Variants in BRPF1 observed in about 807,000 individuals in gnomAD.
BRPF1 encodes the protein peregrin.
A neutral mutation model predicts 115.0 loss-of-function variants in BRPF1; 15 were observed. The ratio of observed to expected loss-of-function variants is 0.13; its 90% CI spans 0.09 to 0.20. The LOEUF is 0.20. Ranked by LOEUF, BRPF1 falls within the 10% of genes least tolerant of loss-of-function variation. BRPF1 has a pLI of 1.00. For synonymous variants in BRPF1, 647 were observed against 619.8 expected (o/e 1.04, Z -0.65); for missense variants, 1,118 against 1,638.3 (o/e 0.68, Z 5.48).
At position 9,734,869 on chromosome 3, in the gene BRPF1, G is replaced by A; in HGVS notation, c.599+130G>A. 8.7e-7 allele frequency: 1 copy of A among 1,151,754 alleles called. No individual in the cohort carries two copies. The highest frequency in any genetic ancestry group is 1.2e-6 in the Non-Finnish European group (1 of 815,822). The allele number at this position is 1,151,754 out of a possible 1,614,324, so 71.3% of individuals were successfully genotyped here. A position where few individuals can be genotyped will look rare whatever the true frequency, so the allele number is the denominator to read the frequency against. ...AGTGAAAGAACACTGATTTTGCCAG[G>A]GCAGTGAGTGGAATGGTACGCCACT... On this transcript the variant is annotated intron_variant, in intron 2 of 13. Transcript: ENST00000383829. This position sits in a 1 kb window ranked among gnomAD's most constrained non-coding sequence, Gnocchi z 5.7.
In BRPF1 at chr3:9,745,871, C is replaced by G. The variant is rs778066197; in HGVS notation, c.3265C>G (p.Leu1089Val). The G allele has an allele frequency of 2.2e-5, 36 of 1,614,052 alleles. No individual in the cohort carries two copies. Among genetic ancestry groups the G allele is most frequent in the Non-Finnish European group, 2.9e-5 (34 of 1,180,040 alleles). ...GCTGTCAGAGGATGAGGACTCCCCG[C>G]TGGATGCTCTGGACCTCGTGTGGGC... ...GWLSEDEDSPLDALDLVWAKC... is the reference protein window; with the variant it reads ...GWLSEDEDSPVDALDLVWAKC... Residue 1089 changes from leucine to valine, a missense_variant, in exon 12 of 14, where the codon CTG becomes GTG. Coordinates refer to ENST00000383829, the MANE Select transcript of BRPF1 (RefSeq NM_001003694.2). The surrounding 1 kb of genome is among the most constrained non-coding windows in gnomAD (Gnocchi z 5.1).
chr3:9,740,056 T>C, intron 3 of BRPF1, 98 bp downstream of exon 3: 2 of 1,443,258 alleles, frequency 1.4e-6, no homozygotes, highest in South Asian at 1.5e-5. Flanking sequence ...CTGGGCTATC[T>C]TCCCAGGAGC....
intron 13 of BRPF1, 147 bp downstream of exon 13, chr3:9,746,601 A>C: frequency 9.9e-7 from 1 of 1,008,206 alleles, no homozygotes; most frequent in Non-Finnish European, 1.3e-6. Context: ...TTTTGAGCGA[A>C]AGGGTTGTGT....
intron 5 of BRPF1, 134 bp from the exon 6 acceptor site, chr3:9,741,891 A>AG: frequency 2.0e-6 from 2 of 987,698 alleles, no homozygotes; most frequent in South Asian, 3.4e-5. Flanking sequence ...CATAGAAGGT[A>AG]GACCTGTATG....
At position 9,747,390 on chromosome 3, in the gene BRPF1, C is replaced by T. The variant is rs768112702; in HGVS notation, c.*41C>T. On this transcript the variant is annotated 3_prime_UTR_variant, in exon 14 of 14. Transcript: ENST00000383829. The surrounding 1 kb of genome is among the most constrained non-coding windows in gnomAD (Gnocchi z 5.6). Reference sequence around the variant, plus strand: ...CCCAACCTATAGTGCCCTGTGACTTCTCTCCTCCCCTTTGCTCACTGTCCT... The same window carrying T: ...CCCAACCTATAGTGCCCTGTGACTTTTCTCCTCCCCTTTGCTCACTGTCCT... 1.5e-5 allele frequency: 24 copies of T among 1,596,254 alleles called. No homozygotes were observed. The African/African-American group carries it at 2.8e-4, about 19-fold the overall frequency.
intron 1 of BRPF1, among the ~76,000 whole-genome samples, chr3:9,733,802 A>C (rs2076895091): frequency 6.6e-6 from 1 of 152,218 alleles, no homozygotes; most frequent in African/African-American, 2.4e-5. Context: ...AGAATTTGGA[A>C]TATTATCTTG....
chr3:9,738,953 G>A (rs78493343), intron 2 of BRPF1, 46 bp from the exon 3 acceptor site: 4 of 1,514,746 alleles, frequency 2.6e-6, no homozygotes, highest in Non-Finnish European at 3.5e-6. Context: ...CTTTAAGGGA[G>A]GGAAATCTCA....
rs779936383 is a variant in BRPF1 at position 9,734,204 on chromosome 3, G to A, written c.64G>A (p.Glu22Lys). Residue 22 changes from glutamate to lysine, a missense_variant, in exon 2 of 14, where the codon GAG becomes AAG. Glu to Lys is a moderately conservative substitution (Grantham distance 56, BLOSUM62 1). This residue lies in a region of BRPF1 where 280 missense variants were observed against 382.8 expected (regional missense o/e 0.73). Coordinates refer to ENST00000383829, the MANE Select transcript of BRPF1 (RefSeq NM_001003694.2). This position sits in a 1 kb window ranked among gnomAD's most constrained non-coding sequence, Gnocchi z 5.7. Reference sequence around the variant, plus strand: ...CTTGCGGGCGACTAAGCCACCATACGAGTGCCCGGTGGAGACCTGCCGAAA... The same window carrying A: ...CTTGCGGGCGACTAAGCCACCATACAAGTGCCCGGTGGAGACCTGCCGAAA... ...HNLRATKPPY[E>K]CPVETCRKVY... is the part of the protein sequence containing the mutation. The A allele has an allele frequency of 3.7e-6, 6 of 1,613,898 alleles. No homozygotes were observed. Among genetic ancestry groups the A allele is most frequent in the South Asian group, 2.2e-5 (2 of 91,064 alleles).
chr3:9,743,519 T>C lies in BRPF1; in HGVS notation c.2312-59T>C. The C allele has an allele frequency of 6.5e-7, 1 of 1,548,608 alleles. No individual in the cohort carries two copies. Among genetic ancestry groups the C allele is most frequent in the Non-Finnish European group, 8.8e-7 (1 of 1,142,374 alleles). Reference sequence around the variant, plus strand: ...GTGGGTTTCTTGCTGCCTGCCCAGGTTCAAGGGGCCCTGAGGGCTGCCCTG... The same window carrying C: ...GTGGGTTTCTTGCTGCCTGCCCAGGCTCAAGGGGCCCTGAGGGCTGCCCTG... On this transcript the variant is annotated intron_variant, in intron 7 of 13. Coordinates refer to ENST00000383829, the MANE Select transcript of BRPF1 (RefSeq NM_001003694.2). The surrounding 1 kb of genome is among the most constrained non-coding windows in gnomAD (Gnocchi z 6.1).
chr3:9,738,885 C>T, intron 2 of BRPF1, 114 bp from the exon 3 acceptor site: 3 of 915,878 alleles, frequency 3.3e-6, no homozygotes, highest in Non-Finnish European at 4.8e-6. Context: ...TGAAATGAGA[C>T]AACACATCTG....
At chr3:9,741,636 C>CAAAAAAA (rs5846643) in intron 5 of BRPF1, among the ~76,000 whole-genome samples, 197 bp downstream of exon 5, 1 of 89,240 alleles carries the variant, frequency 1.1e-5, no homozygotes, top group Admixed American at 1.1e-4. Flanking sequence ...GACTCCGTCT[C>CAAAAAAA]AAAAAAAAAA....
chr3:9,741,433 G>A lies in BRPF1; in HGVS notation c.1848G>A (p.Arg616=). 1 of 1,593,360 alleles carries A rather than the reference G, an allele frequency of 6.3e-7. No homozygotes were observed. The highest frequency in any genetic ancestry group is 1.1e-5 in the South Asian group (1 of 89,622). ...TCCGCAAGCGGGAAAAACTCAAAAG[G>A]GAGACGGTGAGTGCTCCTGGGCCAG... ...ELIRKREKLK[R]ETIKVQQIAM... is the part of the protein sequence containing the mutation. Residue 616 remains arginine, a synonymous_variant, in exon 5 of 14, where the codon AGG becomes AGA. Transcript: ENST00000383829.
rs1316794039 is a variant in BRPF1, at chr3:9,744,994, T to G, written c.2921-14T>G. 6.2e-7 allele frequency: 1 copy of G among 1,614,110 alleles called. No individual in the cohort carries two copies. The highest frequency in any genetic ancestry group is 8.5e-7 in the Non-Finnish European group (1 of 1,179,998). On this transcript the variant is annotated splice_polypyrimidine_tract_variant and intron_variant, in intron 9 of 13. Transcript: ENST00000383829. ...TGACCGGTTCCTTCCCTCCTCCCCT[T>G]CCCTTCAACCAAGACTTACCAGCCA... is the stretch of plus-strand genomic sequence containing the variant.
intron 2 of BRPF1, among the ~76,000 whole-genome samples, chr3:9,735,050 C>T (rs1419998638): frequency 2.2e-5 from 3 of 134,278 alleles, no homozygotes; most frequent in Non-Finnish European, 4.6e-5. Flanking sequence ...TGAGACAGGG[C>T]CTGGCTCTGT....
chr3:9,743,996 T>A lies in BRPF1; in HGVS notation c.2635+95T>A. Reference sequence around the variant, plus strand: ...CTGCCATTCCCCAGGCAGAGGTCCCTCCTACACAGCTAGCTGTACTTTCTC... The same window carrying A: ...CTGCCATTCCCCAGGCAGAGGTCCCACCTACACAGCTAGCTGTACTTTCTC... On this transcript the variant is annotated intron_variant, in intron 8 of 13. Coordinates refer to ENST00000383829, the MANE Select transcript of BRPF1 (RefSeq NM_001003694.2). This position sits in a 1 kb window ranked among gnomAD's most constrained non-coding sequence, Gnocchi z 6.1. 1 of 1,407,030 alleles carries A rather than the reference T, an allele frequency of 7.1e-7. No individual in the cohort carries two copies. Among genetic ancestry groups the A allele is most frequent in the Non-Finnish European group, 9.5e-7 (1 of 1,049,276 alleles). 87.2% of individuals were successfully genotyped at this position (1,407,030 alleles called of 1,614,324 possible).
rs374497847 is a variant in BRPF1, at chr3:9,740,385, C to A, written c.1560-394C>A. Among the ~76,000 whole-genome samples, 19 of 152,270 alleles carry A rather than the reference C, an allele frequency of 1.2e-4. No individual in the cohort carries two copies. The East Asian group carries it at 3.1e-3, about 25-fold the overall frequency. On this transcript the variant is annotated intron_variant, in intron 3 of 13. Transcript: ENST00000383829. Reference sequence around the variant, plus strand: ...GTGATGGCCAGGGATTTTTTTAGTTCTCTTGTGCCGTTTATTTGATTTACT... The same window carrying A: ...GTGATGGCCAGGGATTTTTTTAGTTATCTTGTGCCGTTTATTTGATTTACT...
rs761768276 is a variant in BRPF1, at chr3:9,743,158, G to A, written c.2216G>A (p.Arg739Gln). The change falls in exon 7 of 14, where the codon CGG (arginine) becomes CAG (glutamine). Residue 739 changes from arginine to glutamine, a missense_variant. Physicochemically the swap from Arg to Gln is conservative, Grantham distance 43. Coordinates refer to ENST00000383829, the MANE Select transcript of BRPF1 (RefSeq NM_001003694.2). This position sits in a 1 kb window ranked among gnomAD's most constrained non-coding sequence, Gnocchi z 6.1. ...GGTGGTGCTGTGCTCCGCCAGGCCC[G>A]GCGCCAGGCAGAAAAAATGGGCATT... is the stretch of plus-strand genomic sequence containing the variant. ...EQGGAVLRQA[R>Q]RQAEKMGIDF... 1.7e-5 allele frequency: 28 copies of A among 1,614,126 alleles called. No homozygotes were observed. The highest frequency in any genetic ancestry group is 2.2e-5 in the East Asian group (1 of 44,900).
In BRPF1 at chr3:9,744,472, A is replaced by G; in HGVS notation, c.2884A>G (p.Ser962Gly). The stretch of plus-strand genomic sequence containing the variant: ...CCCCCGGCCCAGTTCGAGCTCAGAC[A>G]GCGACAGTGATAAGTCCACAGAAGA... ...RSPRPSSSSD[S>G]DSDKSTEDPP... Residue 962 changes from serine (S) to glycine (G), a missense_variant, in exon 9 of 14, where the codon AGC (serine) becomes GGC (glycine). Coordinates refer to ENST00000383829, the MANE Select transcript of BRPF1 (RefSeq NM_001003694.2). 7.0e-6 allele frequency: 11 copies of G among 1,572,908 alleles called. No individual in the cohort carries two copies. Among genetic ancestry groups the G allele is most frequent in the Non-Finnish European group, 9.5e-6 (11 of 1,160,606 alleles).
In BRPF1 at chr3:9,747,607, T is replaced by C. The variant is rs1374153030; in HGVS notation, c.*258T>C. On this transcript the variant is annotated 3_prime_UTR_variant, in exon 14 of 14. Coordinates refer to ENST00000383829, the MANE Select transcript of BRPF1 (RefSeq NM_001003694.2). This position sits in a 1 kb window ranked among gnomAD's most constrained non-coding sequence, Gnocchi z 5.6. ...AAAAGCTCCAGAGACCTCACAGCATTGTAGGGCGGGGTGGTGGGCCAAAGT... is the reference window on the plus strand; with the variant it reads ...AAAAGCTCCAGAGACCTCACAGCATCGTAGGGCGGGGTGGTGGGCCAAAGT... The C allele has an allele frequency of 5.0e-6, 2 of 396,878 alleles. No individual in the cohort carries two copies. The highest frequency in any genetic ancestry group is 9.2e-6 in the Non-Finnish European group (2 of 217,238). 24.6% of individuals were successfully genotyped at this position (396,878 alleles called of 1,614,324 possible). A position where few individuals can be genotyped will look rare whatever the true frequency, so the allele number is the denominator to read the frequency against.
Sources: allele counts gnomAD v4.1 joint callset (sites outside exome capture counted in the v4.1 genomes callset), GRCh38; gene constraint gnomAD v4.1.1; regional missense constraint gnomAD v4.1.1; non-coding constraint Gnocchi (gnomAD v3.1); transcripts MANE v1.5; gene names NCBI Gene and HGNC (gene_info 2026-07-23, HGNC 2026-07-21).